Variants in SOX5 observed in about 807,000 individuals in gnomAD.
SOX5 encodes the protein transcription factor SOX-5.
SOX5 carries 9 observed loss-of-function variants against 92.0 expected under a neutral mutation model. The observed-to-expected ratio is 0.10, with a 90% confidence interval of 0.06 to 0.17. The LOEUF (loss-of-function observed/expected upper bound fraction) is 0.17. SOX5 is among the 10% of genes least tolerant of loss of function. SOX5 has a pLI of 1.00. For missense variants in SOX5, 642 were observed against 944.5 expected (o/e 0.68, Z 4.20); for synonymous variants, 344 against 336.3 (o/e 1.02, Z -0.25).
chr12:23,790,542 AATCT>A (rs1372596790), intron 3 of SOX5, among the ~76,000 whole-genome samples: 51 of 47,682 alleles, frequency 1.1e-3, no homozygotes, highest in African/African-American at 3.3e-3. Flanking sequence ...TCTCTCTCTC[AATCT>A]CTCACACACA....
chr12:24,390,000 T>C (rs1958825984), intron 1 of SOX5, among the ~76,000 whole-genome samples: 1 of 152,170 alleles, frequency 6.6e-6, no homozygotes, highest in South Asian at 2.1e-4. Flanking sequence ...TAAATTCTCC[T>C]CAAATCATTT....
At chr12:24,484,612 G>C (rs1946331236) in intron 1 of SOX5, among the ~76,000 whole-genome samples, 1 of 152,118 alleles carries the variant, frequency 6.6e-6, no homozygotes, top group African/African-American at 2.4e-5. Context: ...TGAATGGCTT[G>C]TGATAAAATA....
chr12:23,677,894 CTATATTAGGGCCAAGT>C (rs2085967327), intron 6 of SOX5, among the ~76,000 whole-genome samples: 1 of 152,108 alleles, frequency 6.6e-6, no homozygotes, highest in South Asian at 2.1e-4. Context: ...CCCAATTCAA[CTATATTAGGGCCAAGT>C]TAATGACTAG....
chr12:24,181,959 T>C (rs1955541745), intron 4 of SOX5, among the ~76,000 whole-genome samples: 1 of 152,198 alleles, frequency 6.6e-6, no homozygotes, highest in African/African-American at 2.4e-5. Flanking sequence ...GTGAAACAAG[T>C]TTAACTTTTC....
At chr12:23,804,151 C>A (rs1210336497) in intron 3 of SOX5, among the ~76,000 whole-genome samples, 2 of 152,012 alleles carry the variant, frequency 1.3e-5, no homozygotes, top group East Asian at 3.9e-4. Context: ...GCTTCTTAAG[C>A]CTCAATACTC....
At chr12:23,927,385 A>G (rs1050484263) in intron 1 of SOX5, among the ~76,000 whole-genome samples, 1 of 151,838 alleles carries the variant, frequency 6.6e-6, no homozygotes, top group African/African-American at 2.4e-5. Flanking sequence ...CTCCAACTTA[A>G]CACCTCTTTC....
intron 2 of SOX5, among the ~76,000 whole-genome samples, chr12:24,317,637 C>A (rs142523989): frequency 5.4e-4 from 83 of 152,294 alleles, no homozygotes; most frequent in Non-Finnish European, 1.1e-3. Context: ...CACACAATCT[C>A]CATCTCAAAG....
intron 3 of SOX5, among the ~76,000 whole-genome samples, chr12:23,785,928 T>C (rs2095369575): frequency 6.6e-6 from 1 of 152,110 alleles, no homozygotes; most frequent in South Asian, 2.1e-4. Flanking sequence ...CCTCTCATTT[T>C]TGTTGGCATT....
At chr12:24,394,209 G>A (rs913336224) in intron 1 of SOX5, among the ~76,000 whole-genome samples, 1 of 152,050 alleles carries the variant, frequency 6.6e-6, no homozygotes, top group Admixed American at 6.6e-5. Context: ...AAGCAGCAGG[G>A]CCATCCCATG....
At chr12:24,422,955 G>C (rs966809947) in intron 1 of SOX5, among the ~76,000 whole-genome samples, 5 of 152,186 alleles carry the variant, frequency 3.3e-5, no homozygotes, top group African/African-American at 1.2e-4. Context: ...AGGCTGTAGT[G>C]AGCTATGATG....
chr12:24,243,138 G>C (rs1011822730), intron 3 of SOX5, among the ~76,000 whole-genome samples: 5 of 152,106 alleles, frequency 3.3e-5, no homozygotes, highest in Non-Finnish European at 5.9e-5. Context: ...TTTATAATCA[G>C]AAGAAGGTAA....
intron 1 of SOX5, among the ~76,000 whole-genome samples, chr12:24,509,803 C>T (rs941771906): frequency 6.6e-6 from 1 of 152,152 alleles, no homozygotes; most frequent in Non-Finnish European, 1.5e-5. Flanking sequence ...ATTACTCCAG[C>T]GAATCGGTTG....
intron 1 of SOX5, among the ~76,000 whole-genome samples, chr12:24,404,479 C>A (rs954580196): frequency 6.6e-6 from 1 of 152,104 alleles, no homozygotes; most frequent in Non-Finnish European, 1.5e-5. Flanking sequence ...GGTGCCATTT[C>A]CCCTTTGTGC....
intron 2 of SOX5, among the ~76,000 whole-genome samples, chr12:24,292,925 T>C (rs1422083158): frequency 2.0e-5 from 3 of 152,206 alleles, no homozygotes; most frequent in African/African-American, 7.2e-5. Context: ...CCTGGTGTTA[T>C]ACTCTCAAGT....
chr12:23,722,330 A>G (rs2092864577), intron 6 of SOX5, among the ~76,000 whole-genome samples: 2 of 152,166 alleles, frequency 1.3e-5, no homozygotes, highest in East Asian at 1.9e-4. Context: ...TACATGCTAA[A>G]TATTAAATAT....
rs144553380 is a variant in SOX5 at position 24,105,671 on chromosome 12, T to C, written c.-2+107672A>G. On this transcript the variant is annotated intron_variant, in intron 4 of 4. Transcript: ENST00000446891. Reference sequence around the variant, plus strand: ...AAATATAATACAATTACATAACATATGTAGTTGATAAACTTCAACTTGCAC... The same window carrying C: ...AAATATAATACAATTACATAACATACGTAGTTGATAAACTTCAACTTGCAC... 5.2e-3 allele frequency among the ~76,000 whole-genome samples: 786 copies of C among 152,338 alleles called. 4 individuals are homozygous for C. The highest frequency in any genetic ancestry group is 8.0e-3 in the Non-Finnish European group (546 of 68,036).
At position 24,209,955 on chromosome 12, in the gene SOX5, TTGCAGTGAGCCGAGATCCCGCCAC is replaced by T; in HGVS notation, c.-2+3364_-2+3387del. Among the ~76,000 whole-genome samples the T allele has an allele frequency of 2.3e-5, 3 of 127,874 alleles. No homozygotes were observed. The South Asian group carries it at 7.7e-4, about 33-fold the overall frequency. The allele number at this position is 127,874 out of a possible 152,430, so 83.9% of individuals were successfully genotyped here. On this transcript the variant is annotated intron_variant, in intron 4 of 4. Transcript: ENST00000446891. ...ATGGCATGAACCCGGGAGGCGGAGC[TTGCAGTGAGCCGAGATCCCGCCAC>T]TGCACTCCAGCCTGGGCGACAGAGC...
At chr12:24,426,314 G>A (rs562076525) in intron 1 of SOX5, among the ~76,000 whole-genome samples, 14 of 150,852 alleles carry the variant, frequency 9.3e-5, no homozygotes, top group African/African-American at 3.4e-4. Flanking sequence ...CTGTCGGGGG[G>A]TGGGGACCTG....
chr12:24,043,924 A>T (rs1168333530), intron 4 of SOX5, among the ~76,000 whole-genome samples: 1 of 152,208 alleles, frequency 6.6e-6, no homozygotes, highest in African/African-American at 2.4e-5. Context: ...TTTCAATTTA[A>T]CCTTACAACA....
Sources: gnomAD v4.1 joint callset for allele counts (sites outside exome capture counted in the v4.1 genomes callset) on GRCh38, gnomAD v4.1.1 for gene constraint, MANE v1.5 for transcripts, NCBI Gene and HGNC (gene_info 2026-07-23, HGNC 2026-07-21) for gene names.